The following BRD10 variants were observed in gnomAD, a reference collection of about 807,000 sequenced individuals.
The protein encoded by BRD10 is bromodomain containing 10, also known as uncharacterized bromodomain-containing protein 10.
At chr9:5,898,557 C>T in the BRD10 span, among the ~76,000 whole-genome samples, 4 of 152,160 alleles carry the variant, frequency 2.6e-5, no homozygotes, top group Non-Finnish European at 5.9e-5. Context: ...TTTGGTTCTA[C>T]TCATAGCAGA....
chr9:5,884,408 T>C, the BRD10 span, among the ~76,000 whole-genome samples: 2 of 152,212 alleles, frequency 1.3e-5, no homozygotes, highest in Admixed American at 1.3e-4. Context: ...CTCCCTTTCT[T>C]GCACTTGGAG....
the BRD10 span, among the ~76,000 whole-genome samples, chr9:5,939,415 T>C: frequency 6.6e-6 from 1 of 152,182 alleles, no homozygotes; most frequent in African/African-American, 2.4e-5. Flanking sequence ...AGAAAATACA[T>C]ATATAACCAT....
At chr9:5,914,126 T>G in the BRD10 span, 2 of 432,176 alleles carry the variant, frequency 4.6e-6, no homozygotes, top group Non-Finnish European at 4.6e-6. Context: ...AAATTTCAGG[T>G]TTTCCCAAGT....
the BRD10 span, among the ~76,000 whole-genome samples, chr9:5,955,186 C>T: frequency 6.6e-6 from 1 of 151,854 alleles, no homozygotes; most frequent in Non-Finnish European, 1.5e-5. Flanking sequence ...TAACAAACTG[C>T]TAATTACTCA....
chr9:5,999,994 T>C, the BRD10 span, among the ~76,000 whole-genome samples: 2 of 152,320 alleles, frequency 1.3e-5, no homozygotes, highest in East Asian at 1.9e-4. Context: ...TTATTCAGAA[T>C]TGTAAATATT....
chr9:5,925,818 A>C, the BRD10 span, among the ~76,000 whole-genome samples: 1 of 152,218 alleles, frequency 6.6e-6, no homozygotes, highest in Admixed American at 6.5e-5. Context: ...GAGATCCTTC[A>C]TTATTCCTTT....
the BRD10 span, chr9:6,007,259 A>G: frequency 6.2e-7 from 1 of 1,613,884 alleles, no homozygotes; most frequent in Non-Finnish European, 8.5e-7. Context: ...TTGGAGATCC[A>G]GTGGTCCACT....
the BRD10 span, among the ~76,000 whole-genome samples, chr9:5,932,158 T>A: frequency 6.6e-6 from 1 of 152,100 alleles, no homozygotes; most frequent in Non-Finnish European, 1.5e-5. Flanking sequence ...AAAATCTACA[T>A]AAAAATCAAG....
chr9:5,951,838 G>A, the BRD10 span, among the ~76,000 whole-genome samples: 1 of 152,018 alleles, frequency 6.6e-6, no homozygotes, highest in Non-Finnish European at 1.5e-5. Context: ...CTGTGAGACA[G>A]TTGCCAAGTT....
At chr9:5,942,221 ATT>A in the BRD10 span, among the ~76,000 whole-genome samples, 363 of 152,178 alleles carry the variant, frequency 2.4e-3, 1 homozygote, top group African/African-American at 8.5e-3. Flanking sequence ...ATATAACAAT[ATT>A]GTTATTCATA....
At chr9:5,930,883 A>G in the BRD10 span, among the ~76,000 whole-genome samples, 1 of 152,228 alleles carries the variant, frequency 6.6e-6, no homozygotes, top group Non-Finnish European at 1.5e-5. Context: ...AAAATTGAAC[A>G]GGAAGTAACT....
chr9:6,007,172 C>T, the BRD10 span: 1 of 1,604,054 alleles, frequency 6.2e-7, no homozygotes, highest in Non-Finnish European at 8.5e-7. Flanking sequence ...CTGTCAGTCC[C>T]ACCGGGGACC....
At chr9:5,942,184 G>C in the BRD10 span, among the ~76,000 whole-genome samples, 22 of 152,132 alleles carry the variant, frequency 1.4e-4, no homozygotes, top group East Asian at 4.1e-3. Flanking sequence ...TCTGACAATA[G>C]TGAAGGAAGG....
the BRD10 span, chr9:5,924,616 T>C: frequency 6.5e-5 from 80 of 1,239,506 alleles, no homozygotes; most frequent in Non-Finnish European, 8.6e-5. Flanking sequence ...AACTTCTCTT[T>C]GTGCCTTCAG....
chr9:5,961,216 AC>A, the BRD10 span, among the ~76,000 whole-genome samples: 1 of 152,336 alleles, frequency 6.6e-6, no homozygotes, highest in East Asian at 1.9e-4. Flanking sequence ...CTAGAAGTAA[AC>A]GCAACTATAA....
At chr9:6,007,839 G>A in the BRD10 span, 7 of 1,392,914 alleles carry the variant, frequency 5.0e-6, no homozygotes, top group Non-Finnish European at 6.5e-6. Context: ...GAGGTGCTGG[G>A]GGACGCGTGA....
At chr9:5,920,986 G>A in the BRD10 span, 9 of 1,613,944 alleles carry the variant, frequency 5.6e-6, no homozygotes, top group South Asian at 2.2e-5. Context: ...CTGAAGCAGA[G>A]GCTGAGGTCA....
chr9:5,933,366 A>G, the BRD10 span, among the ~76,000 whole-genome samples: 2 of 152,220 alleles, frequency 1.3e-5, no homozygotes, highest in Non-Finnish European at 2.9e-5. Flanking sequence ...TTCTTTTATG[A>G]ATCAACAAAA....
the BRD10 span, among the ~76,000 whole-genome samples, chr9:5,930,855 T>A: frequency 1.1e-4 from 16 of 152,340 alleles, no homozygotes; most frequent in East Asian, 1.7e-3. Context: ...AACACAAAAC[T>A]ATTAAATGAT....
Sources: gnomAD v4.1 joint callset for allele counts (sites outside exome capture counted in the v4.1 genomes callset) on GRCh38, gnomAD v4.1.1 for gene constraint, MANE v1.5 for transcripts, NCBI Gene and HGNC (gene_info 2026-07-23, HGNC 2026-07-21) for gene names.